The following DGKB variants were observed in gnomAD, a reference collection of about 807,000 sequenced individuals.
DGKB encodes the protein 90 kDa diacylglycerol kinase.
A neutral mutation model predicts 114.3 loss-of-function variants in DGKB; 67 were observed. The observed-to-expected ratio is 0.59, with a 90% confidence interval of 0.48 to 0.72. The LOEUF is 0.72. DGKB is among the 30% of genes least tolerant of loss of function. The pLI, the probability that DGKB is intolerant of heterozygous loss-of-function variation, is 0.00. For missense variants in DGKB, 907 were observed against 975.2 expected (o/e 0.93, Z 0.93); for synonymous variants, 398 against 323.1 (o/e 1.23, Z -2.49).
At chr7:14,231,087 CTTT>C (rs1791681179) in intron 23 of DGKB, among the ~76,000 whole-genome samples, 2 of 35,200 alleles carry the variant, frequency 5.7e-5, no homozygotes, top group African/African-American at 1.3e-4. Context: ...CTTTCCCTTT[CTTT>C]CTTTCTTTCT....
At chr7:14,924,587 C>T (rs973718650) in intron 1 of DGKB, among the ~76,000 whole-genome samples, 1 of 152,108 alleles carries the variant, frequency 6.6e-6, no homozygotes, top group Non-Finnish European at 1.5e-5. Context: ...TCAGATCTAT[C>T]TTAATAGTTC....
intron 20 of DGKB, among the ~76,000 whole-genome samples, chr7:14,556,861 T>C (rs1560482): frequency 0.36 from 54,925 of 151,828 alleles, 10,635 homozygotes; most frequent in Admixed American, 0.44. Flanking sequence ...TGGAGAAACT[T>C]TCCCTTTTAA....
At chr7:14,872,261 A>G (rs1852583373) in intron 1 of DGKB, among the ~76,000 whole-genome samples, 2 of 152,202 alleles carry the variant, frequency 1.3e-5, no homozygotes, top group African/African-American at 4.8e-5. Context: ...GCAGAACAGG[A>G]ATAACAAACA....
intron 8 of DGKB, among the ~76,000 whole-genome samples, chr7:14,696,337 C>T (rs1823883338): frequency 6.7e-6 from 1 of 150,094 alleles, no homozygotes; most frequent in Non-Finnish European, 1.5e-5. Context: ...ACTAAAAATA[C>T]AAAAAAAATT....
intron 1 of DGKB, among the ~76,000 whole-genome samples, chr7:14,959,028 T>C (rs1454472408): frequency 1.3e-5 from 2 of 152,092 alleles, no homozygotes; most frequent in East Asian, 1.9e-4. Context: ...ATGACTGATA[T>C]TGATTTGGTG....
chr7:14,945,369 T>G (rs973144547), intron 1 of DGKB, among the ~76,000 whole-genome samples: 16 of 151,874 alleles, frequency 1.1e-4, no homozygotes, highest in Non-Finnish European at 1.5e-4. Flanking sequence ...ATTTGTCCTG[T>G]TCTAGTTCGT....
At chr7:14,943,277 C>T (rs1785675747) in intron 1 of DGKB, among the ~76,000 whole-genome samples, 2 of 151,864 alleles carry the variant, frequency 1.3e-5, no homozygotes. Flanking sequence ...AAATCATGTT[C>T]ATATACATCA....
intron 12 of DGKB, among the ~76,000 whole-genome samples, chr7:14,678,535 G>C (rs146697599): frequency 6.6e-6 from 1 of 151,990 alleles, no homozygotes; most frequent in Non-Finnish European, 1.5e-5. Flanking sequence ...CAGAGGGTGT[G>C]TGTAGAAGAG....
At chr7:14,896,379 A>G (rs1362836896) in intron 1 of DGKB, among the ~76,000 whole-genome samples, 2 of 151,690 alleles carry the variant, frequency 1.3e-5, no homozygotes, top group East Asian at 1.9e-4. Context: ...ACCTCTTTTT[A>G]TATTTTAATA....
At chr7:14,518,092 A>G (rs1789141818) in intron 20 of DGKB, among the ~76,000 whole-genome samples, 1 of 152,206 alleles carries the variant, frequency 6.6e-6, no homozygotes, top group South Asian at 2.1e-4. Flanking sequence ...CTGGGTAAAC[A>G]AAATGTGGTA....
At chr7:14,938,735 A>G (rs1424163391) in intron 1 of DGKB, among the ~76,000 whole-genome samples, 1 of 152,164 alleles carries the variant, frequency 6.6e-6, no homozygotes, top group African/African-American at 2.4e-5. Flanking sequence ...TCAATGTATT[A>G]GGTTACTAGT....
chr7:14,360,036 T>A (rs1232468290), intron 21 of DGKB, among the ~76,000 whole-genome samples: 3 of 152,172 alleles, frequency 2.0e-5, no homozygotes, highest in African/African-American at 7.2e-5. Flanking sequence ...GCGGCACTAT[T>A]CACAATACAA....
chr7:14,418,593 A>G (rs555883570), intron 21 of DGKB, among the ~76,000 whole-genome samples: 75 of 151,880 alleles, frequency 4.9e-4, no homozygotes, highest in Admixed American at 8.5e-4. Flanking sequence ...GTATCAGTCC[A>G]TTTATTTCTT....
intron 5 of DGKB, among the ~76,000 whole-genome samples, chr7:14,731,755 T>C (rs1182384584): frequency 6.6e-6 from 1 of 152,038 alleles, no homozygotes; most frequent in Non-Finnish European, 1.5e-5. Flanking sequence ...AGAAGGAAAT[T>C]AACAAATGGT....
At chr7:14,778,972 A>G (rs978593629) in intron 2 of DGKB, among the ~76,000 whole-genome samples, 3 of 152,176 alleles carry the variant, frequency 2.0e-5, no homozygotes, top group Non-Finnish European at 4.4e-5. Context: ...CCTGGCCAAC[A>G]TGGTGAAACC....
At chr7:14,406,728 G>T (rs542353598) in intron 21 of DGKB, among the ~76,000 whole-genome samples, 1 of 152,176 alleles carries the variant, frequency 6.6e-6, no homozygotes, top group African/African-American at 2.4e-5. Flanking sequence ...CCGCTTTTAA[G>T]CTAACTAGCA....
At chr7:14,770,481 C>A (rs1837251756) in intron 2 of DGKB, among the ~76,000 whole-genome samples, 1 of 152,082 alleles carries the variant, frequency 6.6e-6, no homozygotes, top group Admixed American at 6.6e-5. Context: ...GCCTCCATGT[C>A]AGAACTGTAG....
In DGKB at chr7:14,685,331, C is replaced by T; in HGVS notation, c.743G>A (p.Arg248Gln). 3.1e-6 allele frequency: 5 copies of T among 1,613,776 alleles called. No homozygotes were observed. The highest frequency in any genetic ancestry group is 4.2e-6 in the Non-Finnish European group (5 of 1,179,754). Residue 248 changes from arginine to glutamine, a missense_variant, in exon 10 of 26, where the codon CGA becomes CAA. Physicochemically the swap from Arg to Gln is conservative, Grantham distance 43. Transcript: ENST00000402815. The stretch of plus-strand genomic sequence containing the variant: ...GGCAGGTTTGTTAAAGTGCTTCAGT[C>T]GCCACACGTGCTGTCCATCATCCTT... ...NVKDDGQHVW[R>Q]LKHFNKPAYC...
At chr7:14,336,445 A>G (rs1325538258) in intron 23 of DGKB, among the ~76,000 whole-genome samples, 2 of 152,186 alleles carry the variant, frequency 1.3e-5, no homozygotes, top group East Asian at 1.9e-4. Context: ...GTTTTTGCTC[A>G]TAGAATGACC....
Sources: allele counts gnomAD v4.1 joint callset (sites outside exome capture counted in the v4.1 genomes callset), GRCh38; gene constraint gnomAD v4.1.1; transcripts MANE v1.5; gene names NCBI Gene and HGNC (gene_info 2026-07-23, HGNC 2026-07-21).